Variants in TMEM255B observed in about 807,000 individuals in gnomAD.
TMEM255B encodes family with sequence similarity 70, member B.
Under a neutral mutation model 34.5 loss-of-function variants are expected in TMEM255B, and 35 were observed. The ratio of observed to expected loss-of-function variants is 1.01; its 90% CI spans 0.77 to 1.34. The LOEUF is 1.34. Among genes scored for constraint, TMEM255B ranks in the 40% most tolerant of loss-of-function variants. The pLI is 0.00. For missense variants in TMEM255B, 432 were observed against 433.2 expected, an observed-to-expected ratio of 1.00 and a Z score of 0.02; for synonymous variants, 206 against 201.2, an observed-to-expected ratio of 1.02 and a Z score of -0.20.
intron 2 of TMEM255B, among the ~76,000 whole-genome samples, chr13:113,768,553 C>T (rs1346903831): frequency 6.6e-6 from 1 of 152,126 alleles, no homozygotes; most frequent in Non-Finnish European, 1.5e-5. Flanking sequence ...CTGTGCCTGG[C>T]TCAGGTGCCC....
At chr13:113,767,046 G>C (rs2050403921) in intron 2 of TMEM255B, among the ~76,000 whole-genome samples, 2 of 152,332 alleles carry the variant, frequency 1.3e-5, no homozygotes. Flanking sequence ...CCCAGAGCCT[G>C]GTTGCTACGT....
chr13:113,785,774 T>C (rs1393565704), intron 3 of TMEM255B, among the ~76,000 whole-genome samples: 1 of 152,140 alleles, frequency 6.6e-6, no homozygotes, highest in Non-Finnish European at 1.5e-5. Flanking sequence ...CTCTTCTCGA[T>C]GAAGGGATGA....
At chr13:113,776,579 C>T (rs576874313) in intron 3 of TMEM255B, among the ~76,000 whole-genome samples, 2 of 152,344 alleles carry the variant, frequency 1.3e-5, no homozygotes, top group African/African-American at 4.8e-5. Context: ...CAGTGGGGGC[C>T]TAGCAGGCCC....
At position 113,789,728 on chromosome 13, in the gene TMEM255B, A is replaced by G. The variant is rs187792714; in HGVS notation, c.253-5420A>G. Among the ~76,000 whole-genome samples, 12 of 152,010 alleles carry G rather than the reference A, an allele frequency of 7.9e-5. No individual in the cohort carries two copies. The South Asian group carries it at 1.2e-3, about 16-fold the overall frequency. On this transcript the variant is annotated intron_variant, in intron 3 of 8. Transcript: ENST00000375353. ...TGGACATCCTAACACTGAACTGACC[A>G]TGTACATGGACATCCTAGCCCTGGA...
At chr13:113,772,222 A>G (rs2050490192) in intron 3 of TMEM255B, among the ~76,000 whole-genome samples, 1 of 152,146 alleles carries the variant, frequency 6.6e-6, no homozygotes, top group Non-Finnish European at 1.5e-5. Context: ...AGAGTCATTT[A>G]TGTATTCTAG....
rs201870151 is a variant in TMEM255B at position 113,811,877 on chromosome 13, G to A, written c.955G>A (p.Glu319Lys). 160 of 1,613,252 alleles carry A rather than the reference G, an allele frequency of 9.9e-5. No individual in the cohort carries two copies. Among genetic ancestry groups the A allele is most frequent in the South Asian group, 5.5e-5 (5 of 91,056 alleles). ...CGCACCCACCTACTTTCCCCCGGGG[G>A]AGAAGCCACCCCCCTACGCACCCTG... ...CYAPTYFPPG[E>K]KPPPYAP Residue 319 changes from glutamate to lysine, a missense_variant, in exon 9 of 9, where the codon GAG becomes AAG. Glu to Lys is a moderately conservative substitution (Grantham distance 56). Transcript: ENST00000375353.
Position 113,776,363 on chromosome 13 carries a change from C to T in TMEM255B, c.252+7203C>T, listed in dbSNP as rs886269428. The stretch of plus-strand genomic sequence containing the variant: ...CCCTGAGCTTGGAGGCCTGTGGGAT[C>T]GTGCACCTGCCACTCAGGGGCTGAC... On this transcript the variant is annotated intron_variant, in intron 3 of 8. Transcript: ENST00000375353. Among the ~76,000 whole-genome samples, 15 of 152,300 alleles carry T rather than the reference C, an allele frequency of 9.8e-5. 1 individual carries two copies. In the South Asian group the frequency reaches 2.7e-3, roughly 27 times the overall value.
chr13:113,794,927 A>G (rs1259451774), intron 3 of TMEM255B, among the ~76,000 whole-genome samples: 1 of 152,252 alleles, frequency 6.6e-6, no homozygotes, highest in Non-Finnish European at 1.5e-5. Context: ...CCTTCCGTGC[A>G]GAAGGCGCCT....
rs2050895991 is a variant in TMEM255B, at chr13:113,795,059, C to T, written c.253-89C>T. ...AAGAGGCAGTTCTGTGAAAGAAGCCCCGACCTCGAGCTGGGACTTTGAATT... is the reference window on the plus strand; with the variant it reads ...AAGAGGCAGTTCTGTGAAAGAAGCCTCGACCTCGAGCTGGGACTTTGAATT... On this transcript the variant is annotated intron_variant, in intron 3 of 8. Transcript: ENST00000375353. The T allele has an allele frequency of 2.4e-6, 3 of 1,238,960 alleles. No individual in the cohort carries two copies. In the South Asian group the frequency reaches 3.8e-5, roughly 16 times the overall value. 76.7% of individuals were successfully genotyped at this position (1,238,960 alleles called of 1,614,324 possible).
chr13:113,799,275 GC>G, intron 4 of TMEM255B, 63 bp from the exon 5 acceptor site: 2 of 1,523,940 alleles, frequency 1.3e-6, no homozygotes, highest in Non-Finnish European at 1.8e-6. Flanking sequence ...GCCTGAAATT[GC>G]CTCTGGCCTC....
At chr13:113,786,860 C>G (rs2050754783) in intron 3 of TMEM255B, among the ~76,000 whole-genome samples, 1 of 152,160 alleles carries the variant, frequency 6.6e-6, no homozygotes, top group South Asian at 2.1e-4. Context: ...CGTTGGAGAT[C>G]ATCTGTAGTG....
intron 5 of TMEM255B, among the ~76,000 whole-genome samples, chr13:113,800,299 C>CTG (rs1491395254): frequency 1.6e-5 from 1 of 62,644 alleles, no homozygotes; most frequent in East Asian, 8.8e-4. Flanking sequence ...GGGAGGCGTC[C>CTG]TCTGTGTGTG....
At chr13:113,800,101 G>GGA in intron 5 of TMEM255B, 1 of 1,168,348 alleles carries the variant, frequency 8.6e-7, no homozygotes, top group South Asian at 1.6e-5. Flanking sequence ...TGTGTGGGGG[G>GGA]GGGTAGGCAG....
intron 7 of TMEM255B, 137 bp downstream of exon 7, chr13:113,801,949 G>A (rs776721572): frequency 1.7e-5 from 18 of 1,051,368 alleles, no homozygotes; most frequent in African/African-American, 3.2e-5. Context: ...TCAGCAGGGT[G>A]TCAGGGTGAC....
Position 113,801,826 on chromosome 13 carries a change from G to A in TMEM255B, c.669+14G>A, listed in dbSNP as rs778320595. 1 of 1,587,080 alleles carries A rather than the reference G, an allele frequency of 6.3e-7. No homozygotes were observed. The highest frequency in any genetic ancestry group is 8.6e-7 in the Non-Finnish European group (1 of 1,165,728). ...TTCAAGGACATGGTGAGGCCCCTTGGTGGGACCCCCGCTGCTCACTGGGAG... is the reference window on the plus strand; with the variant it reads ...TTCAAGGACATGGTGAGGCCCCTTGATGGGACCCCCGCTGCTCACTGGGAG... On this transcript the variant is annotated intron_variant, in intron 7 of 8. Transcript: ENST00000375353.
At chr13:113,760,629 CT>C (rs1373822617) in intron 1 of TMEM255B, among the ~76,000 whole-genome samples, 1 of 129,634 alleles carries the variant, frequency 7.7e-6, no homozygotes, top group African/African-American at 3.0e-5. Context: ...GGATTATGGT[CT>C]TTCTGCTTTG....
rs56270025 is a variant in TMEM255B at position 113,775,213 on chromosome 13, C to T, written c.252+6053C>T. Among the ~76,000 whole-genome samples the T allele has an allele frequency of 8.0e-3, 1,223 of 152,134 alleles. 17 individuals are homozygous for T. Among genetic ancestry groups the T allele is most frequent in the African/African-American group, 0.028 (1,173 of 41,528 alleles). ...ACCACACACCACACATACTACAACA[C>T]CACACACACCACACATACTATACAC... On this transcript the variant is annotated intron_variant, in intron 3 of 8. Transcript: ENST00000375353.
chr13:113,787,273 A>G (rs1297250936), intron 3 of TMEM255B, among the ~76,000 whole-genome samples: 1 of 152,204 alleles, frequency 6.6e-6, no homozygotes, highest in East Asian at 1.9e-4. Context: ...GCTCTCCTTT[A>G]TCACTTATTT....
intron 2 of TMEM255B, among the ~76,000 whole-genome samples, chr13:113,766,758 G>T (rs2050399149): frequency 6.6e-6 from 1 of 152,234 alleles, no homozygotes; most frequent in Admixed American, 6.5e-5. Context: ...GTGGGTCAAA[G>T]ATCGTATTAG....
Sources: allele counts gnomAD v4.1 joint callset (sites outside exome capture counted in the v4.1 genomes callset), GRCh38; gene constraint gnomAD v4.1.1; transcripts MANE v1.5; gene names NCBI Gene and HGNC (gene_info 2026-07-23, HGNC 2026-07-21).